The following NCKAP1 variants were observed in gnomAD, a reference collection of about 807,000 sequenced individuals.
NCKAP1 encodes nck-associated protein 1.
NCKAP1 carries 21 observed loss-of-function variants against 151.2 expected under a neutral mutation model. That is an observed-to-expected ratio of 0.14 (90% confidence interval 0.10 to 0.20). The LOEUF (loss-of-function observed/expected upper bound fraction) is 0.20. NCKAP1 is among the 10% of genes least tolerant of loss of function. The pLI is 1.00. For missense variants in NCKAP1, 933 were observed against 1,352.1 expected (o/e 0.69, Z 4.86); for synonymous variants, 484 against 451.8 (o/e 1.07, Z -0.90).
rs745339206 is a variant in NCKAP1 at position 182,995,667 on chromosome 2, T to C, written c.741+34A>G. The C allele has an allele frequency of 6.9e-6, 11 of 1,588,110 alleles. No individual in the cohort carries two copies. In the East Asian group the frequency reaches 1.6e-4, roughly 23 times the overall value. ...ACTATTATTTTTTTAAAAGTCACTT[T>C]ATTTTCATTCAAAAGAGAAAAATAG... On this transcript the variant is annotated intron_variant, in intron 7 of 30. Coordinates refer to ENST00000361354, the MANE Select transcript of NCKAP1 (RefSeq NM_013436.5).
intron 2 of NCKAP1, among the ~76,000 whole-genome samples, chr2:183,021,801 G>A (rs1315165762): frequency 6.6e-6 from 1 of 151,192 alleles, no homozygotes; most frequent in Non-Finnish European, 1.5e-5. Flanking sequence ...CAGGAAATCA[G>A]GGGTGACTGC....
intron 23 of NCKAP1, among the ~76,000 whole-genome samples, chr2:182,946,163 G>C (rs1697099116): frequency 6.6e-6 from 1 of 152,146 alleles, no homozygotes; most frequent in African/African-American, 2.4e-5. Flanking sequence ...ATTTTGGGAG[G>C]CTGAGGTGGG....
chr2:183,007,210 T>C (rs575730197), intron 2 of NCKAP1, among the ~76,000 whole-genome samples: 2 of 152,340 alleles, frequency 1.3e-5, no homozygotes, highest in Admixed American at 6.5e-5. Context: ...ATTCATGTGA[T>C]ACATGCAAAT....
At chr2:182,956,365 C>T (rs1211481607) in intron 20 of NCKAP1, 97 bp downstream of exon 20, 22 of 1,437,482 alleles carry the variant, frequency 1.5e-5, no homozygotes, top group Non-Finnish European at 1.9e-5. Flanking sequence ...AACACTAATC[C>T]AGTTCTACTA....
intron 27 of NCKAP1, among the ~76,000 whole-genome samples, chr2:182,929,975 G>C (rs1438967763): frequency 1.3e-5 from 2 of 151,860 alleles, no homozygotes; most frequent in Non-Finnish European, 2.9e-5. Context: ...AATAACTCTA[G>C]TACAATAAAA....
At position 182,981,315 on chromosome 2, in the gene NCKAP1, G is replaced by A; in HGVS notation, c.1270C>T (p.Pro424Ser). ...ELRAHVRKYG[P>S]VMQRYYVQYL... ...TGCACGTAATACCTCTGCATTACAGGTCCGTATTTCCTCACATGTGCTCTA... is the reference window on the plus strand; with the variant it reads ...TGCACGTAATACCTCTGCATTACAGATCCGTATTTCCTCACATGTGCTCTA... The change falls in exon 13 of 31, where the codon CCT becomes TCT. Residue 424 changes from proline (P) to serine (S), a missense_variant. Around this residue, in one of 2 missense-constraint regions of NCKAP1, gnomAD observed 607 missense variants for 795.0 expected, o/e 0.76. Coordinates refer to ENST00000361354, the MANE Select transcript of NCKAP1 (RefSeq NM_013436.5). 4.3e-6 allele frequency: 7 copies of A among 1,613,414 alleles called. No individual in the cohort carries two copies. Among genetic ancestry groups the A allele is most frequent in the Non-Finnish European group, 5.1e-6 (6 of 1,179,436 alleles).
chr2:183,029,616 G>C (rs1698966899), intron 1 of NCKAP1, among the ~76,000 whole-genome samples: 1 of 151,932 alleles, frequency 6.6e-6, no homozygotes, highest in Admixed American at 6.6e-5. Context: ...GAGCCCACAA[G>C]TTTGAGACCA....
At chr2:182,951,541 T>C (rs556569589) in intron 23 of NCKAP1, among the ~76,000 whole-genome samples, 1 of 147,286 alleles carries the variant, frequency 6.8e-6, no homozygotes, top group Admixed American at 7.0e-5. Flanking sequence ...TGGTGGTGCG[T>C]GCCTGTAGTC....
chr2:182,976,507 G>C (rs1395461348), intron 15 of NCKAP1, among the ~76,000 whole-genome samples: 1 of 152,170 alleles, frequency 6.6e-6, no homozygotes, highest in Non-Finnish European at 1.5e-5. Context: ...CTATATGGCT[G>C]CAAGCCTAAA....
chr2:182,961,543 C>G lies in NCKAP1; in HGVS notation c.1881+616G>C, dbSNP rs1024936377. On this transcript the variant is annotated intron_variant, in intron 18 of 30. Coordinates refer to ENST00000361354, the MANE Select transcript of NCKAP1 (RefSeq NM_013436.5). ...GAATTGAACAATGAGAACACATGGA[C>G]ACAGGAAGGGGAACATCACACACTG... Among the ~76,000 whole-genome samples, 12 of 152,066 alleles carry G rather than the reference C, an allele frequency of 7.9e-5. 1 individual carries two copies. The highest frequency in any genetic ancestry group is 3.3e-4 in the Admixed American group (5 of 15,274).
chr2:182,981,309 T>C lies in NCKAP1; in HGVS notation c.1276A>G (p.Met426Val), dbSNP rs1697932888. The change falls in exon 13 of 31, where the codon ATG (methionine) becomes GTG (valine). Residue 426 changes from methionine (M) to valine (V), a missense_variant. Around this residue, in one of 2 missense-constraint regions of NCKAP1, gnomAD observed 607 missense variants for 795.0 expected, o/e 0.76. Transcript: ENST00000361354. ...RAHVRKYGPV[M>V]QRYYVQYLSG... Reference sequence around the variant, plus strand: ...AGGTACTGCACGTAATACCTCTGCATTACAGGTCCGTATTTCCTCACATGT... The same window carrying C: ...AGGTACTGCACGTAATACCTCTGCACTACAGGTCCGTATTTCCTCACATGT... The C allele has an allele frequency of 6.2e-7, 1 of 1,613,408 alleles. No homozygotes were observed.
intron 1 of NCKAP1, among the ~76,000 whole-genome samples, chr2:183,028,852 G>A (rs1472173172): frequency 6.6e-6 from 1 of 151,882 alleles, no homozygotes; most frequent in Non-Finnish European, 1.5e-5. Flanking sequence ...AGTGGCTCAC[G>A]CCTGTAATCC....
intron 29 of NCKAP1, 43 bp downstream of exon 29, chr2:182,928,074 T>C: frequency 1.4e-6 from 2 of 1,404,386 alleles, no homozygotes; most frequent in Non-Finnish European, 2.0e-6. Flanking sequence ...ATTTTAGTTT[T>C]CTTTATAAAA....
At chr2:183,019,382 T>G (rs1290675897) in intron 2 of NCKAP1, among the ~76,000 whole-genome samples, 1 of 151,874 alleles carries the variant, frequency 6.6e-6, no homozygotes, top group Non-Finnish European at 1.5e-5. Context: ...GGAAAAAAAA[T>G]TAGAAAAGTT....
intron 2 of NCKAP1, among the ~76,000 whole-genome samples, chr2:183,014,635 A>G (rs536817417): frequency 3.5e-4 from 53 of 152,350 alleles, no homozygotes; most frequent in African/African-American, 1.2e-3. Flanking sequence ...GAAGAATAAA[A>G]GAAAGTAAGT....
At chr2:182,960,148 T>C (rs189986659) in intron 18 of NCKAP1, among the ~76,000 whole-genome samples, 13,487 of 152,104 alleles carry the variant, frequency 0.089, 725 homozygotes, top group Non-Finnish European at 0.12. Context: ...TGAAAATGGC[T>C]ACACTGCCCA....
intron 2 of NCKAP1, among the ~76,000 whole-genome samples, chr2:183,007,421 A>G (rs1417320653): frequency 4.6e-5 from 7 of 152,208 alleles, no homozygotes; most frequent in Non-Finnish European, 5.9e-5. Context: ...CCACACAAAT[A>G]TAAGTATCGA....
intron 1 of NCKAP1, among the ~76,000 whole-genome samples, chr2:183,028,699 TTTAGGTG>T (rs1391568781): frequency 1.3e-5 from 2 of 152,188 alleles, no homozygotes; most frequent in Non-Finnish European, 2.9e-5. Context: ...AAACTGTTTA[TTTAGGTG>T]CCTGGCACAT....
At chr2:182,928,426 C>T (rs74996584) in intron 28 of NCKAP1, among the ~76,000 whole-genome samples, 200 bp from the exon 29 acceptor site, 6,509 of 152,072 alleles carry the variant, frequency 0.043, 191 homozygotes, top group South Asian at 0.13. Context: ...AACAAACGAT[C>T]GTGTATATGT....
Sources: allele counts gnomAD v4.1 joint callset (sites outside exome capture counted in the v4.1 genomes callset), GRCh38; gene constraint gnomAD v4.1.1; regional missense constraint gnomAD v4.1.1; transcripts MANE v1.5; gene names NCBI Gene and HGNC (gene_info 2026-07-23, HGNC 2026-07-21).